Variants in POLH observed in about 807,000 individuals in gnomAD.
The protein encoded by POLH is DNA polymerase eta.
In POLH, 53 loss-of-function variants were observed where a neutral mutation model predicts 73.6. The observed-to-expected ratio is 0.72, with a 90% CI of 0.58 to 0.91. POLH has a LOEUF of 0.91. Ranked by LOEUF, POLH falls within the 40% of genes least tolerant of loss-of-function variation. The probability of loss-of-function intolerance (pLI) is 0.00; values close to 1 mark genes in which losing one functional copy is unlikely to be tolerated. For synonymous variants in POLH, 292 were observed against 308.5 expected, an observed-to-expected ratio of 0.95 and a Z score of 0.56; for missense variants, 768 against 865.4, an observed-to-expected ratio of 0.89 and a Z score of 1.41.
At chr6:43,598,165 A>G (rs1451361831) in intron 5 of POLH, among the ~76,000 whole-genome samples, 4 of 147,914 alleles carry the variant, frequency 2.7e-5, no homozygotes, top group African/African-American at 1.0e-4. Context: ...AAATCATACT[A>G]CTGTACTTCA....
In POLH at chr6:43,603,950, A is replaced by C. The variant is rs746499057; in HGVS notation, c.823A>C (p.Met275Leu). Residue 275 changes from methionine (M) to leucine (L), a missense_variant, in exon 7 of 11, where the codon ATG becomes CTG. Physicochemically the swap from Met to Leu is conservative, Grantham distance 15. Coordinates refer to ENST00000372236, the MANE Select transcript of POLH (RefSeq NM_006502.3). ...SVIEILGIEYMGELTQFTESQ... is the reference protein window; with the variant it reads ...SVIEILGIEYLGELTQFTESQ... ...CATTGAGATCCTAGGGATAGAATACATGGGTGAACTGACCCAGTTCACTGA... is the reference window on the plus strand; with the variant it reads ...CATTGAGATCCTAGGGATAGAATACCTGGGTGAACTGACCCAGTTCACTGA... The C allele has an allele frequency of 1.2e-6, 2 of 1,612,264 alleles. No homozygotes were observed. Among genetic ancestry groups the C allele is most frequent in the Non-Finnish European group, 1.7e-6 (2 of 1,178,324 alleles).
chr6:43,577,292 A>C (rs181960080), intron 1 of POLH, among the ~76,000 whole-genome samples: 1 of 152,382 alleles, frequency 6.6e-6, no homozygotes, highest in East Asian at 1.9e-4. Context: ...TGTGCTTAGT[A>C]AATTGTGTGC....
At chr6:43,593,896 A>AAAAGAAAG (rs1554139791) in intron 4 of POLH, among the ~76,000 whole-genome samples, 34 of 146,152 alleles carry the variant, frequency 2.3e-4, no homozygotes, top group African/African-American at 7.9e-4. Flanking sequence ...AAAAAAAAAA[A>AAAAGAAAG]AAAGAAAGAA....
Position 43,605,771 on chromosome 6 carries a change from T to G in POLH, c.1074+452T>G, listed in dbSNP as rs534602317. ...TTCCCTCTTGCTGCCCAGGCTGGAGTGCAGTGGCATGATCTTGGCTCACTG... is the reference window on the plus strand; with the variant it reads ...TTCCCTCTTGCTGCCCAGGCTGGAGGGCAGTGGCATGATCTTGGCTCACTG... On this transcript the variant is annotated intron_variant, in intron 9 of 10. Coordinates refer to ENST00000372236, the MANE Select transcript of POLH (RefSeq NM_006502.3). Among the ~76,000 whole-genome samples, 10 of 152,144 alleles carry G rather than the reference T, an allele frequency of 6.6e-5. No individual in the cohort carries two copies. The South Asian group carries it at 1.9e-3, about 28-fold the overall frequency.
chr6:43,605,169 GA>G (rs1189744170), intron 8 of POLH, 84 bp from the exon 9 acceptor site: 14 of 809,166 alleles, frequency 1.7e-5, no homozygotes, highest in Middle Eastern at 2.3e-4. Flanking sequence ...CTGTTTGGGA[GA>G]AAAAAAAGAA....
At chr6:43,590,443 A>T (rs1235879026) in intron 4 of POLH, among the ~76,000 whole-genome samples, 1 of 151,444 alleles carries the variant, frequency 6.6e-6, no homozygotes, top group Non-Finnish European at 1.5e-5. Context: ...TTGCATAAGA[A>T]TGAGGGTTTT....
At chr6:43,579,173 C>T (rs913346629) in intron 1 of POLH, among the ~76,000 whole-genome samples, 31 of 152,202 alleles carry the variant, frequency 2.0e-4, no homozygotes, top group African/African-American at 7.2e-4. Flanking sequence ...CTCTGGCCTT[C>T]TGCCCTCCTT....
At chr6:43,580,998 C>G (rs1409003736) in intron 1 of POLH, among the ~76,000 whole-genome samples, 4 of 146,876 alleles carry the variant, frequency 2.7e-5, no homozygotes, top group Non-Finnish European at 4.5e-5. Flanking sequence ...GGCTGACCCC[C>G]CCCCACCTCC....
chr6:43,576,951 T>TTCGAGACCAGCC (rs1267497332), intron 1 of POLH, among the ~76,000 whole-genome samples: 1 of 151,570 alleles, frequency 6.6e-6, no homozygotes, highest in African/African-American at 2.4e-5. Context: ...AGGTCAGGAG[T>TTCGAGACCAGCC]TCGAGACCAG....
Position 43,576,193 on chromosome 6 carries a change from G to T in POLH, c.-252G>T, listed in dbSNP as rs1419194904. On this transcript the variant is annotated 5_prime_UTR_variant, in exon 1 of 11. Coordinates refer to ENST00000372236, the MANE Select transcript of POLH (RefSeq NM_006502.3). ...GCGCGCTGTCAGACCTCAGTCTGGC[G>T]GCTGCATTGCTGGGCGCGCCGCTCT... 7 of 231,062 alleles carry T rather than the reference G, an allele frequency of 3.0e-5. No individual in the cohort carries two copies. The highest frequency in any genetic ancestry group is 4.6e-5 in the African/African-American group (2 of 43,546). 14.3% of individuals were successfully genotyped at this position (231,062 alleles called of 1,614,324 possible).
At position 43,614,261 on chromosome 6, in the gene POLH, G is replaced by A; in HGVS notation, c.1846G>A (p.Val616Met). 1.2e-6 allele frequency: 2 copies of A among 1,601,974 alleles called. No individual in the cohort carries two copies. The highest frequency in any genetic ancestry group is 1.7e-6 in the Non-Finnish European group (2 of 1,172,600). Residue 616 changes from valine (V) to methionine (M), a missense_variant, in exon 11 of 11, where the codon GTG becomes ATG. Transcript: ENST00000372236. Reference protein sequence around the residue: ...ASSASKSVLEVTQKATPNPSL... With the variant: ...ASSASKSVLEMTQKATPNPSL... Reference sequence around the variant, plus strand: ...TTCAGCTTCCAAATCTGTGCTGGAGGTGACTCAGAAAGCAACCCCAAATCC... The same window carrying A: ...TTCAGCTTCCAAATCTGTGCTGGAGATGACTCAGAAAGCAACCCCAAATCC...
rs1373421473 is a variant in POLH, at chr6:43,614,636, G to T, written c.*79G>T. ...TTATCTTTAATATTTTATCTTTACA[G>T]ATTTCCCTGAGAAAGGGAATTATGA... On this transcript the variant is annotated 3_prime_UTR_variant, in exon 11 of 11. Coordinates refer to ENST00000372236, the MANE Select transcript of POLH (RefSeq NM_006502.3). 3 of 1,275,002 alleles carry T rather than the reference G, an allele frequency of 2.4e-6. No individual in the cohort carries two copies. Among genetic ancestry groups the T allele is most frequent in the Admixed American group, 2.2e-5 (1 of 46,120 alleles). 79.0% of individuals were successfully genotyped at this position (1,275,002 alleles called of 1,614,324 possible). A position where few individuals can be genotyped will look rare whatever the true frequency, so the allele number is the denominator to read the frequency against.
At position 43,583,096 on chromosome 6, in the gene POLH, T is replaced by C. The variant is rs1183777159; in HGVS notation, c.227T>C (p.Leu76Pro). ...GCTAAGAAGTTATGTCCAGATCTTC[T>C]ACTGGCACAAGTTCGTGAGTCCCGT... ...DDAKKLCPDL[L>P]LAQVRESRGK... The change falls in exon 3 of 11, where the codon CTA becomes CCA. Residue 76 changes from leucine to proline, a missense_variant. Physicochemically the swap from Leu to Pro is moderately conservative, Grantham distance 98 (BLOSUM62 -3). Transcript: ENST00000372236. 6.2e-7 allele frequency: 1 copy of C among 1,613,884 alleles called. No homozygotes were observed. The highest frequency in any genetic ancestry group is 8.5e-7 in the Non-Finnish European group (1 of 1,179,894).
intron 2 of POLH, 33 bp from the exon 3 acceptor site, chr6:43,582,974 A>G: frequency 6.3e-7 from 1 of 1,590,266 alleles, no homozygotes; most frequent in Non-Finnish European, 8.6e-7. Context: ...ATCATATAAT[A>G]TGTTTTCTGT....
At chr6:43,608,167 T>C (rs928392420) in intron 9 of POLH, among the ~76,000 whole-genome samples, 1 of 152,172 alleles carries the variant, frequency 6.6e-6, no homozygotes, top group South Asian at 2.1e-4. Context: ...CCTCTCCCCT[T>C]TTTTAAATTG....
chr6:43,585,902 C>G (rs964555049), intron 3 of POLH, among the ~76,000 whole-genome samples: 4 of 151,500 alleles, frequency 2.6e-5, no homozygotes, highest in Non-Finnish European at 5.9e-5. Flanking sequence ...CCTCTGCCTC[C>G]CAAAGTGCTG....
rs535568865 is a variant in POLH at position 43,616,745 on chromosome 6, T to A, written c.*2188T>A. ...TAACTAGGGCAGGTCTTTCTGTACA[T>A]AAAAGTGACTTAATAAACAGTGAAT... On this transcript the variant is annotated 3_prime_UTR_variant, in exon 11 of 11. Coordinates refer to ENST00000372236, the MANE Select transcript of POLH (RefSeq NM_006502.3). 6.6e-6 allele frequency among the ~76,000 whole-genome samples: 1 copy of A among 152,312 alleles called. No individual in the cohort carries two copies. Among genetic ancestry groups the A allele is most frequent in the Non-Finnish European group, 1.5e-5 (1 of 68,022 alleles).
At chr6:43,584,160 A>G (rs939990218) in intron 3 of POLH, among the ~76,000 whole-genome samples, 1 of 152,236 alleles carries the variant, frequency 6.6e-6, no homozygotes. Context: ...AGAAAAGTTC[A>G]GACAGCTAAG....
chr6:43,612,353 T>TC (rs1767978012), intron 10 of POLH, among the ~76,000 whole-genome samples: 1 of 151,588 alleles, frequency 6.6e-6, no homozygotes, highest in Non-Finnish European at 1.5e-5. Context: ...ATACTTTTTT[T>TC]TTTTTTTTTT....
Sources: gnomAD v4.1 joint callset for allele counts (sites outside exome capture counted in the v4.1 genomes callset) on GRCh38, gnomAD v4.1.1 for gene constraint, MANE v1.5 for transcripts, NCBI Gene and HGNC (gene_info 2026-07-23, HGNC 2026-07-21) for gene names.